Variants in CRTAC1 observed in about 807,000 individuals in gnomAD.
CRTAC1 encodes acidic secreted protein in cartilage.
In CRTAC1, 37 loss-of-function variants were observed where a neutral mutation model predicts 67.8. The ratio of observed to expected loss-of-function variants is 0.55; its 90% CI spans 0.42 to 0.72. The LOEUF is 0.72. CRTAC1 is among the 30% of genes least tolerant of loss of function. The pLI, the probability that CRTAC1 is intolerant of heterozygous loss-of-function variation, is 0.00. For missense variants in CRTAC1, 780 were observed against 931.6 expected (o/e 0.84, Z 2.12); for synonymous variants, 348 against 371.0 (o/e 0.94, Z 0.71).
At chr10:97,874,247 T>C (rs985305305) in intron 14 of CRTAC1, among the ~76,000 whole-genome samples, 6 of 152,200 alleles carry the variant, frequency 3.9e-5, no homozygotes, top group African/African-American at 7.2e-5. Context: ...TTCTCAGGTG[T>C]TCCTGGATTT....
chr10:97,992,820 C>T (rs1842486913), intron 2 of CRTAC1, among the ~76,000 whole-genome samples: 1 of 152,044 alleles, frequency 6.6e-6, no homozygotes, highest in South Asian at 2.1e-4. Context: ...TCAAAGGATA[C>T]AAAAATTTCA....
intron 2 of CRTAC1, among the ~76,000 whole-genome samples, chr10:98,007,998 C>T (rs548152335): frequency 1.3e-5 from 2 of 152,290 alleles, no homozygotes; most frequent in South Asian, 2.1e-4. Context: ...GGATAAAGAC[C>T]TGCACACAGA....
At chr10:97,867,189 A>AC (rs966682467) in intron 14 of CRTAC1, 2 of 151,918 alleles carry the variant, frequency 1.3e-5, no homozygotes, top group African/African-American at 2.4e-5. Flanking sequence ...GTTTCCATGG[A>AC]CCTTCAAAGG....
At chr10:97,923,498 G>C in intron 3 of CRTAC1, 98 bp from the exon 4 acceptor site, 4 of 1,487,916 alleles carry the variant, frequency 2.7e-6, no homozygotes, top group Non-Finnish European at 3.7e-6. Flanking sequence ...AAGGTGGTTG[G>C]GACCAGAGGA....
chr10:97,946,844 T>C (rs781736423), intron 2 of CRTAC1, among the ~76,000 whole-genome samples: 51 of 152,108 alleles, frequency 3.4e-4, no homozygotes, highest in Non-Finnish European at 5.9e-4. Flanking sequence ...ATTGGAACAA[T>C]GTTTGAGTCA....
rs911021505 is a variant in CRTAC1, at chr10:97,886,947, A to G, written c.1487-2596T>C. On this transcript the variant is annotated intron_variant, in intron 11 of 14. Transcript: ENST00000370597. ...GACGTGACCCACCACACCCGGCCAG[A>G]TTTCTTTTTTTTTTTTTCTAATTTG... 6.7e-5 allele frequency among the ~76,000 whole-genome samples: 10 copies of G among 150,226 alleles called. No individual in the cohort carries two copies. In the South Asian group the frequency reaches 1.3e-3, roughly 19 times the overall value.
intron 14 of CRTAC1, among the ~76,000 whole-genome samples, chr10:97,874,274 G>A (rs1411365355): frequency 1.3e-5 from 2 of 152,226 alleles, no homozygotes; most frequent in Non-Finnish European, 2.9e-5. Context: ...CTAGGATTCT[G>A]TGATTGTTGA....
chr10:97,927,565 G>A (rs558312913), intron 3 of CRTAC1, among the ~76,000 whole-genome samples: 30 of 152,320 alleles, frequency 2.0e-4, no homozygotes, highest in African/African-American at 6.5e-4. Context: ...GTGTTAGGGC[G>A]CCTGTGCTGT....
Position 97,883,233 on chromosome 10 carries a change from C to T in CRTAC1, c.1633-405G>A, listed in dbSNP as rs544846846. 1.4e-4 allele frequency among the ~76,000 whole-genome samples: 22 copies of T among 152,352 alleles called. No individual in the cohort carries two copies. In the South Asian group the frequency reaches 1.7e-3, roughly 11 times the overall value. ...CTTCTCCAAGAACCTCTCCCTCACA[C>T]GGGTGGGTGCCTGCAGCCATGCTTG... On this transcript the variant is annotated intron_variant, in intron 12 of 14. Coordinates refer to ENST00000370597, the MANE Select transcript of CRTAC1 (RefSeq NM_018058.7).
chr10:97,912,792 TCA>T (rs1353202931), intron 5 of CRTAC1, among the ~76,000 whole-genome samples: 1 of 152,180 alleles, frequency 6.6e-6, no homozygotes, highest in Non-Finnish European at 1.5e-5. Flanking sequence ...TCTCCAGGCC[TCA>T]GTTTCCTTCC....
intron 12 of CRTAC1, 93 bp from the exon 13 acceptor site, chr10:97,882,921 T>C (rs2050235163): frequency 7.7e-7 from 1 of 1,303,952 alleles, no homozygotes; most frequent in Admixed American, 1.8e-5. Flanking sequence ...GTTGTCACCC[T>C]AACCACAGTG....
chr10:97,865,633 C>G lies in CRTAC1; in HGVS notation c.1901G>C (p.Gly634Ala), dbSNP rs2050011762. 1.2e-6 allele frequency: 2 copies of G among 1,612,678 alleles called. No individual in the cohort carries two copies. ...GAGGACCGGTGCAGCAGTGGCAGCT[C>G]CAGCAGCGGCAGCAGCAGCGGCAGT... ...AATAAAAAAA[G>A]AATAAPVLVD... is the part of the protein sequence containing the mutation. The change falls in exon 15 of 15, where the codon GGA becomes GCA. Residue 634 changes from glycine (G) to alanine (A), a missense_variant. Gly to Ala is a moderately conservative substitution (Grantham distance 60). Transcript: ENST00000370597.
intron 1 of CRTAC1, among the ~76,000 whole-genome samples, chr10:98,015,246 C>T (rs375352928): frequency 1.3e-5 from 2 of 152,130 alleles, no homozygotes; most frequent in East Asian, 1.9e-4. Flanking sequence ...ATAAGCCAGT[C>T]GCAAAGGGAC....
At chr10:97,890,576 A>G (rs1214817882) in intron 11 of CRTAC1, among the ~76,000 whole-genome samples, 1 of 152,194 alleles carries the variant, frequency 6.6e-6, no homozygotes, top group Non-Finnish European at 1.5e-5. Flanking sequence ...AACCTGGACC[A>G]CTGTGTTGGA....
In CRTAC1 at chr10:98,030,442, T is replaced by C. The variant is rs1282470601; in HGVS notation, c.24+7A>G. 3 of 1,249,670 alleles carry C rather than the reference T, an allele frequency of 2.4e-6. No homozygotes were observed. Among genetic ancestry groups the C allele is most frequent in the East Asian group, 3.1e-5 (1 of 31,856 alleles). 77.4% of individuals were successfully genotyped at this position (1,249,670 alleles called of 1,614,324 possible). ...TTAGGGTGGGGGGCACCGGTGCAGA[T>C]ACTCACGCCGGGGTCAGCGCTCGGA... is the stretch of plus-strand genomic sequence containing the variant. On this transcript the variant is annotated splice_region_variant and intron_variant, in intron 1 of 14. Coordinates refer to ENST00000370597, the MANE Select transcript of CRTAC1 (RefSeq NM_018058.7). The surrounding 1 kb of genome is among the most constrained non-coding windows in gnomAD (Gnocchi z 4.2).
chr10:98,010,004 C>T (rs1317451768), intron 2 of CRTAC1, among the ~76,000 whole-genome samples: 1 of 151,646 alleles, frequency 6.6e-6, no homozygotes, highest in Non-Finnish European at 1.5e-5. Flanking sequence ...TAAGATGATG[C>T]ATAGTGTCTG....
intron 11 of CRTAC1, among the ~76,000 whole-genome samples, chr10:97,892,062 A>G (rs2050382524): frequency 6.6e-6 from 1 of 152,202 alleles, no homozygotes; most frequent in African/African-American, 2.4e-5. Flanking sequence ...AAGGACTTGC[A>G]CCAGGCGGAG....
chr10:97,879,896 A>T, intron 14 of CRTAC1: 2 of 1,161,250 alleles, frequency 1.7e-6, no homozygotes, highest in Non-Finnish European at 2.4e-6. Context: ...GGGAAGAAGA[A>T]ATTACCAGTT....
At chr10:97,907,508 A>G (rs2050629837) in intron 6 of CRTAC1, among the ~76,000 whole-genome samples, 1 of 150,564 alleles carries the variant, frequency 6.6e-6, no homozygotes, top group Non-Finnish European at 1.5e-5. Context: ...ACAGCCGGAT[A>G]TTTTTGTCTA....
Sources: gnomAD v4.1 joint callset for allele counts (sites outside exome capture counted in the v4.1 genomes callset) on GRCh38, gnomAD v4.1.1 for gene constraint, Gnocchi (gnomAD v3.1) non-coding constraint, MANE v1.5 for transcripts, NCBI Gene and HGNC (gene_info 2026-07-23, HGNC 2026-07-21) for gene names.